The following ATOSA variants were observed in gnomAD, a reference collection of about 807,000 sequenced individuals.
ATOSA encodes atos homolog A, also known as atos homolog protein A.
the ATOSA span, among the ~76,000 whole-genome samples, chr15:52,632,065 A>T: frequency 6.6e-6 from 1 of 152,186 alleles, no homozygotes; most frequent in African/African-American, 2.4e-5. Context: ...ACCAGACAGT[A>T]TTTCTTAAAT....
chr15:52,617,771 T>TA, the ATOSA span, among the ~76,000 whole-genome samples: 68 of 60,962 alleles, frequency 1.1e-3, no homozygotes, highest in African/African-American at 5.3e-3. Flanking sequence ...TATTTATTAA[T>TA]AATTTATTAT....
At chr15:52,640,058 G>A in the ATOSA span, among the ~76,000 whole-genome samples, 4 of 151,816 alleles carry the variant, frequency 2.6e-5, no homozygotes, top group Admixed American at 6.6e-5. Context: ...GTGCCTGGCC[G>A]ATGAATATTT....
the ATOSA span, chr15:52,600,110 G>A: frequency 1.4e-6 from 2 of 1,408,234 alleles, no homozygotes; most frequent in Admixed American, 3.5e-5. Flanking sequence ...TTAAAGAACA[G>A]TTTCAAAGCA....
chr15:52,609,715 T>C, the ATOSA span: 2 of 1,613,750 alleles, frequency 1.2e-6, no homozygotes, highest in Non-Finnish European at 1.7e-6. Context: ...TGAACTAGAC[T>C]CTTGAGTATT....
the ATOSA span, chr15:52,586,451 G>T: frequency 6.6e-6 from 1 of 152,216 alleles, no homozygotes; most frequent in Admixed American, 6.5e-5. Flanking sequence ...CTGGGTATGA[G>T]GAGCAAGCCT....
chr15:52,642,381 G>A, the ATOSA span, among the ~76,000 whole-genome samples: 174 of 152,192 alleles, frequency 1.1e-3, no homozygotes, highest in Non-Finnish European at 2.2e-3. Flanking sequence ...AACTCTGTGA[G>A]CCTCAGCAAA....
chr15:52,611,561 G>T, the ATOSA span: 1 of 1,612,876 alleles, frequency 6.2e-7, no homozygotes, highest in Non-Finnish European at 8.5e-7. Flanking sequence ...TTTGAACTAC[G>T]TTCAACAACT....
At chr15:52,679,815 C>T in the ATOSA span, among the ~76,000 whole-genome samples, 1 of 104,876 alleles carries the variant, frequency 9.5e-6, no homozygotes, top group Non-Finnish European at 1.9e-5. Context: ...CTCCTTCCCC[C>T]CCTCCTCCTC....
At chr15:52,604,319 T>C in the ATOSA span, among the ~76,000 whole-genome samples, 1 of 152,246 alleles carries the variant, frequency 6.6e-6, no homozygotes, top group Non-Finnish European at 1.5e-5. Flanking sequence ...ACTTCAACTT[T>C]TCTAAAATAG....
chr15:52,585,835 C>G, the ATOSA span, among the ~76,000 whole-genome samples: 1 of 152,178 alleles, frequency 6.6e-6, no homozygotes, highest in Non-Finnish European at 1.5e-5. Context: ...AGAAGCTCAT[C>G]CGTGGCACTG....
At chr15:52,618,939 A>C in the ATOSA span, among the ~76,000 whole-genome samples, 1 of 152,148 alleles carries the variant, frequency 6.6e-6, no homozygotes, top group African/African-American at 2.4e-5. Context: ...CAAAACCATG[A>C]CTGGAGTTTG....
the ATOSA span, among the ~76,000 whole-genome samples, chr15:52,664,067 T>C: frequency 6.6e-6 from 1 of 152,200 alleles, no homozygotes; most frequent in Non-Finnish European, 1.5e-5. Context: ...TGAAACACTG[T>C]TGAATCAACA....
the ATOSA span, chr15:52,600,061 T>C: frequency 2.0e-5 from 14 of 716,518 alleles, no homozygotes; most frequent in Middle Eastern, 2.5e-4. Flanking sequence ...TAAAGACATA[T>C]AAAATGACAC....
At chr15:52,688,604 C>T in the ATOSA span, among the ~76,000 whole-genome samples, 2 of 152,166 alleles carry the variant, frequency 1.3e-5, no homozygotes, top group African/African-American at 2.4e-5. Context: ...TAGTTTCAGA[C>T]ATATTACATT....
chr15:52,704,425 C>A, the ATOSA span, among the ~76,000 whole-genome samples: 1 of 152,122 alleles, frequency 6.6e-6, no homozygotes, highest in Non-Finnish European at 1.5e-5. Context: ...CTAGGCAATA[C>A]CATTCAGGAC....
the ATOSA span, among the ~76,000 whole-genome samples, chr15:52,661,487 A>G: frequency 6.6e-6 from 1 of 152,292 alleles, no homozygotes; most frequent in East Asian, 1.9e-4. Flanking sequence ...CATTTTCTCA[A>G]CTGTAAAAAT....
chr15:52,690,393 T>A, the ATOSA span, among the ~76,000 whole-genome samples: 1 of 152,238 alleles, frequency 6.6e-6, no homozygotes, highest in Admixed American at 6.5e-5. Context: ...GCATGTGATC[T>A]ACATTTGTTT....
the ATOSA span, among the ~76,000 whole-genome samples, chr15:52,647,312 C>A: frequency 1.3e-5 from 2 of 151,862 alleles, no homozygotes; most frequent in Non-Finnish European, 2.9e-5. Context: ...CCAGATTAAA[C>A]CTCTCTCCCA....
At chr15:52,635,801 G>A in the ATOSA span, among the ~76,000 whole-genome samples, 2 of 152,034 alleles carry the variant, frequency 1.3e-5, no homozygotes, top group African/African-American at 4.8e-5. Flanking sequence ...TTCAAGATCA[G>A]CCTGGCCAAC....
Sources: allele counts gnomAD v4.1 joint callset (sites outside exome capture counted in the v4.1 genomes callset), GRCh38; gene constraint gnomAD v4.1.1; transcripts MANE v1.5; gene names NCBI Gene and HGNC (gene_info 2026-07-23, HGNC 2026-07-21).